ERC2: variants seen among roughly 807,000 people sequenced by gnomAD.
The protein encoded by ERC2 is ERC protein 2.
ERC2 carries 42 observed loss-of-function variants against 114.8 expected under a neutral mutation model. The observed-to-expected ratio is 0.37, with a 90% CI of 0.29 to 0.47. ERC2 has a LOEUF of 0.47. ERC2 is among the 20% of genes least tolerant of loss of function. The pLI, the probability that ERC2 is intolerant of heterozygous loss-of-function variation, is 0.99. For synonymous variants in ERC2, 454 were observed against 425.5 expected (o/e 1.07, Z -0.82); for missense variants, 939 against 1,150.7 (o/e 0.82, Z 2.66).
intron 11 of ERC2, among the ~76,000 whole-genome samples, chr3:55,986,601 T>C (rs2070656364): frequency 6.6e-6 from 1 of 152,172 alleles, no homozygotes; most frequent in African/African-American, 2.4e-5. Flanking sequence ...CTTTTGGTGG[T>C]GTGCCACCCA....
chr3:55,944,590 C>T (rs542012783), intron 13 of ERC2, among the ~76,000 whole-genome samples: 31 of 152,174 alleles, frequency 2.0e-4, no homozygotes, highest in Non-Finnish European at 4.0e-4. Flanking sequence ...TTGCACTTGG[C>T]TTCTTGGAAC....
At chr3:55,993,581 C>T (rs2071247592) in intron 10 of ERC2, among the ~76,000 whole-genome samples, 1 of 151,424 alleles carries the variant, frequency 6.6e-6, no homozygotes, top group South Asian at 2.1e-4. Flanking sequence ...AATATTTTTG[C>T]ATGTAACATA....
chr3:55,672,333 T>TA lies in ERC2; in HGVS notation c.*39+11460dup, dbSNP rs552349360. ...CAGCCTCGGTGACAGAGGAGGACCC[T>TA]ATCTCAAAAAAAAAAAAAAAAAAGT... On this transcript the variant is annotated intron_variant, in intron 17 of 17. Coordinates refer to ENST00000288221, the MANE Select transcript of ERC2 (RefSeq NM_015576.3). Among the ~76,000 whole-genome samples, 689 of 138,194 alleles carry TA rather than the reference T, an allele frequency of 5.0e-3. 2 individuals carry two copies. Among genetic ancestry groups the TA allele is most frequent in the Non-Finnish European group, 7.9e-3 (504 of 64,010 alleles). 90.7% of individuals were successfully genotyped at this position (138,194 alleles called of 152,430 possible).
intron 2 of ERC2, among the ~76,000 whole-genome samples, chr3:56,308,588 C>G (rs555839563): frequency 1.3e-5 from 2 of 152,272 alleles, no homozygotes; most frequent in Admixed American, 1.3e-4. Flanking sequence ...TGTTTAGAAT[C>G]TACTGTGTCT....
intron 17 of ERC2, among the ~76,000 whole-genome samples, chr3:55,604,445 A>G (rs1326098164): frequency 6.6e-6 from 1 of 152,150 alleles, no homozygotes; most frequent in Non-Finnish European, 1.5e-5. Context: ...CAAGTCTCTT[A>G]TTTAACCTTT....
At chr3:56,209,226 T>A (rs2048916438) in intron 3 of ERC2, among the ~76,000 whole-genome samples, 1 of 152,104 alleles carries the variant, frequency 6.6e-6, no homozygotes, top group African/African-American at 2.4e-5. Flanking sequence ...CCCTTCCTTG[T>A]CTTGAATCTG....
chr3:56,348,983 GGAAA>G (rs1365480094), intron 2 of ERC2, among the ~76,000 whole-genome samples: 44 of 130,362 alleles, frequency 3.4e-4, no homozygotes, highest in Admixed American at 2.5e-3. Context: ...AAAGAAAGAA[GGAAA>G]GAAAGAAAGA....
intron 2 of ERC2, among the ~76,000 whole-genome samples, chr3:56,358,465 A>C (rs1560663737): frequency 1.3e-5 from 2 of 152,180 alleles, no homozygotes; most frequent in East Asian, 1.9e-4. Flanking sequence ...AGTTTTTTTT[A>C]GGTCTGCAAT....
intron 3 of ERC2, among the ~76,000 whole-genome samples, chr3:56,275,359 T>C (rs2053923089): frequency 6.6e-6 from 1 of 152,114 alleles, no homozygotes; most frequent in South Asian, 2.1e-4. Flanking sequence ...GCCAGCCCAG[T>C]TGAGATTCTA....
intron 2 of ERC2, among the ~76,000 whole-genome samples, chr3:56,298,430 A>C (rs1356457344): frequency 6.6e-6 from 1 of 152,222 alleles, no homozygotes; most frequent in African/African-American, 2.4e-5. Context: ...TATTCATAGC[A>C]GCAACATTCA....
chr3:55,957,223 C>T (rs926620200), intron 12 of ERC2, among the ~76,000 whole-genome samples: 1 of 152,150 alleles, frequency 6.6e-6, no homozygotes, highest in Admixed American at 6.5e-5. Flanking sequence ...GTTCCTATTC[C>T]TTGTTCAGCC....
chr3:55,587,664 G>C (rs1327015588), intron 17 of ERC2, among the ~76,000 whole-genome samples: 2 of 152,188 alleles, frequency 1.3e-5, no homozygotes, highest in African/African-American at 4.8e-5. Flanking sequence ...CAAAGTGGTT[G>C]TGAAATCCAC....
chr3:56,413,458 G>A (rs1236274283), intron 2 of ERC2, among the ~76,000 whole-genome samples: 2 of 152,184 alleles, frequency 1.3e-5, no homozygotes, highest in Non-Finnish European at 2.9e-5. Context: ...GGAATGGAGG[G>A]AGTAGCAAGC....
chr3:56,253,513 C>T (rs918119083), intron 3 of ERC2, among the ~76,000 whole-genome samples: 4 of 152,176 alleles, frequency 2.6e-5, no homozygotes, highest in African/African-American at 9.7e-5. Context: ...AAAGGTTAGA[C>T]TCATTTATGT....
chr3:56,129,147 T>C (rs1399412215), intron 6 of ERC2, among the ~76,000 whole-genome samples: 1 of 152,212 alleles, frequency 6.6e-6, no homozygotes, highest in Admixed American at 6.5e-5. Context: ...GGAAAGTATA[T>C]GTCTGCATGG....
intron 14 of ERC2, among the ~76,000 whole-genome samples, chr3:55,846,292 C>T (rs2061359399): frequency 6.6e-6 from 1 of 152,198 alleles, no homozygotes; most frequent in African/African-American, 2.4e-5. Flanking sequence ...ATAATGGCCT[C>T]TAGCTCTATC....
intron 2 of ERC2, among the ~76,000 whole-genome samples, chr3:56,422,410 G>T (rs1046644572): frequency 6.6e-6 from 1 of 152,150 alleles, no homozygotes; most frequent in Admixed American, 6.5e-5. Context: ...GCCAGTCCTG[G>T]AGTTGCTTCC....
intron 2 of ERC2, among the ~76,000 whole-genome samples, chr3:56,348,889 AAGGAAGGAAGGAAGGAAAGAAGGAAG>A (rs2058421862): frequency 2.6e-5 from 1 of 37,770 alleles, no homozygotes; most frequent in Admixed American, 3.1e-4. Context: ...GGAAGGAAGG[AAGGAAGGAAGGAAGGAAAGAAGGAAG>A]GAAGGAAGGA....
intron 13 of ERC2, among the ~76,000 whole-genome samples, chr3:55,914,788 C>G (rs73075385): frequency 0.039 from 5,920 of 152,188 alleles, 165 homozygotes; most frequent in African/African-American, 0.076. Context: ...GAACTTTATC[C>G]CATAAAACTA....
Sources: allele counts gnomAD v4.1 joint callset (sites outside exome capture counted in the v4.1 genomes callset), GRCh38; gene constraint gnomAD v4.1.1; transcripts MANE v1.5; gene names NCBI Gene and HGNC (gene_info 2026-07-23, HGNC 2026-07-21).